NLRC5: variants seen among roughly 807,000 people sequenced by gnomAD.
NLRC5 encodes the protein NLR family CARD domain containing 5.
In NLRC5, 114 loss-of-function variants were observed where a neutral mutation model predicts 206.9. That is an observed-to-expected ratio of 0.55 (90% CI 0.47 to 0.64). NLRC5 has a LOEUF of 0.64. NLRC5 is among the 30% of genes least tolerant of loss of function. The probability of loss-of-function intolerance (pLI) is 0.00; values close to 1 mark genes in which losing one functional copy is unlikely to be tolerated. For synonymous variants in NLRC5, 952 were observed against 962.8 expected, an observed-to-expected ratio of 0.99 and a Z score of 0.21; for missense variants, 2,008 against 2,305.5, an observed-to-expected ratio of 0.87 and a Z score of 2.64.
intron 21 of NLRC5, 70 bp downstream of exon 21, chr16:57,045,562 AC>A (rs1288957086): frequency 3.5e-6 from 5 of 1,408,604 alleles, no homozygotes; most frequent in Non-Finnish European, 4.9e-6. Context: ...AGGTCCCCCC[AC>A]CCCCAGACCC....
intron 1 of NLRC5, among the ~76,000 whole-genome samples, chr16:57,006,810 C>A (rs1490406012): frequency 6.6e-6 from 1 of 151,628 alleles, no homozygotes; most frequent in Non-Finnish European, 1.5e-5. Context: ...TGTTACATGT[C>A]CACGGATGAA....
rs760742446 is a variant in NLRC5 at position 57,042,016 on chromosome 16, G to A, written c.3064G>A (p.Ala1022Thr). Residue 1022 changes from alanine (A) to threonine (T), a missense_variant, in exon 19 of 49, where the codon GCC (alanine) becomes ACC (threonine). By Grantham distance (58) the Ala-to-Thr change is moderately conservative. Coordinates refer to ENST00000688547, the MANE Select transcript of NLRC5 (RefSeq NM_001384950.1). ...SGNALGDEGA[A>T]RLAQLLPGLG... ...CAATGCTCTGGGGGATGAAGGTGCA[G>A]CCCGGCTGGCTCAGCTGCTCCCAGG... The A allele has an allele frequency of 6.3e-7, 1 of 1,576,732 alleles. No individual in the cohort carries two copies. Among genetic ancestry groups the A allele is most frequent in the South Asian group, 1.2e-5 (1 of 86,116 alleles).
At chr16:57,048,280 G>A (rs570015038) in intron 23 of NLRC5, 4 of 152,582 alleles carry the variant, frequency 2.6e-5, no homozygotes, top group Middle Eastern at 3.4e-3. Context: ...GTGTCCACAG[G>A]ACTGTCTACT....
At chr16:57,059,612 T>C in intron 30 of NLRC5, 80 bp downstream of exon 30, 1 of 1,325,854 alleles carries the variant, frequency 7.5e-7, no homozygotes, top group South Asian at 1.5e-5. Context: ...TGGCCCCCTC[T>C]TCCCTGGGCC....
At chr16:57,079,757 T>C in intron 46 of NLRC5, 128 bp downstream of exon 46, 2 of 675,406 alleles carry the variant, frequency 3.0e-6, no homozygotes, top group Non-Finnish European at 5.2e-6. Context: ...CTCCCATTTG[T>C]AAATGGGGAA....
chr16:57,043,531 T>C lies in NLRC5; in HGVS notation c.3130T>C (p.Leu1044=). 1 of 1,613,950 alleles carries C rather than the reference T, an allele frequency of 6.2e-7. No individual in the cohort carries two copies. Reference sequence around the variant, plus strand: ...GATCTCCAGCCTCAGTGAGAACGGTTTGTCCCTGGATGCCGTGTTGGGTTT... The same window carrying C: ...GATCTCCAGCCTCAGTGAGAACGGTCTGTCCCTGGATGCCGTGTTGGGTTT... The part of the protein sequence containing the change: ...LQSLNLSENG[L]SLDAVLGLVR... Residue 1044 remains leucine (L), a synonymous_variant, in exon 20 of 49, where the codon TTG becomes CTG. Transcript: ENST00000688547.
intron 16 of NLRC5, among the ~76,000 whole-genome samples, chr16:57,040,060 G>C (rs1213709409): frequency 1.3e-5 from 2 of 152,230 alleles, no homozygotes; most frequent in East Asian, 1.9e-4. Flanking sequence ...TGCCTGAAAG[G>C]AGCCCCAGTG....
At chr16:57,007,844 G>A (rs1485678183) in intron 1 of NLRC5, among the ~76,000 whole-genome samples, 3 of 152,052 alleles carry the variant, frequency 2.0e-5, no homozygotes, top group Non-Finnish European at 4.4e-5. Context: ...AGTAACTCTC[G>A]ATTTATTAAA....
At chr16:57,041,926 C>T in intron 18 of NLRC5, 56 bp from the exon 19 acceptor site, 1 of 1,225,264 alleles carries the variant, frequency 8.2e-7, no homozygotes, top group Non-Finnish European at 1.1e-6. Context: ...GACCATGCTG[C>T]CAGCAACCCA....
At position 57,046,543 on chromosome 16, in the gene NLRC5, C is replaced by A; in HGVS notation, c.3249-9C>A. 6.2e-7 allele frequency: 1 copy of A among 1,612,352 alleles called. No individual in the cohort carries two copies. The highest frequency in any genetic ancestry group is 8.5e-7 in the Non-Finnish European group (1 of 1,178,616). ...CTGAACTTTCCTTTCTAAATGATCC[C>A]CCTCCTAGGGATATGTGGGCCACTG... On this transcript the variant is annotated splice_polypyrimidine_tract_variant and intron_variant, in intron 21 of 48. Transcript: ENST00000688547.
Position 57,051,610 on chromosome 16 carries a change from G to A in NLRC5, c.3495G>A (p.Leu1165=), listed in dbSNP as rs764467616. 25 of 1,613,682 alleles carry A rather than the reference G, an allele frequency of 1.5e-5. No homozygotes were observed. The highest frequency in any genetic ancestry group is 1.9e-5 in the Non-Finnish European group (23 of 1,179,580). Residue 1165 remains leucine, a synonymous_variant, in exon 24 of 49, where the codon CTG becomes CTA. Transcript: ENST00000688547. ...ACTGCTTACCTCAACTCCCTCAGCT[G>A]AGCCTGCTGCAGTAAGACGAGAGTT... The part of the protein sequence containing the change: ...LLDCLPQLPQ[L]SLLQLSQTGL...
chr16:57,077,114 A>C (rs1488339859), intron 40 of NLRC5, among the ~76,000 whole-genome samples, 182 bp from the exon 41 acceptor site: 2 of 152,236 alleles, frequency 1.3e-5, no homozygotes, highest in Non-Finnish European at 1.5e-5. Context: ...TAGGTCAGAC[A>C]ATGGGGAGAA....
intron 38 of NLRC5, among the ~76,000 whole-genome samples, chr16:57,071,079 GAGTGAGTGGTGTT>G (rs2067666939): frequency 7.5e-6 from 1 of 132,686 alleles, no homozygotes; most frequent in Non-Finnish European, 1.6e-5. Flanking sequence ...GAAGAGTTGT[GAGTGAGTGGTGTT>G]GGTGGTTAAT....
At position 57,029,760 on chromosome 16, in the gene NLRC5, G is replaced by A; in HGVS notation, c.2244-13G>A. On this transcript the variant is annotated splice_polypyrimidine_tract_variant and intron_variant, in intron 8 of 48. Coordinates refer to ENST00000688547, the MANE Select transcript of NLRC5 (RefSeq NM_001384950.1). ...CCCCAGGGCAAAGGGACTGGGCCTT[G>A]GTCTCCTCGCAGTTTTCGGGACAAC... 1 of 1,613,436 alleles carries A rather than the reference G, an allele frequency of 6.2e-7. No homozygotes were observed. The highest frequency in any genetic ancestry group is 8.5e-7 in the Non-Finnish European group (1 of 1,179,498).
chr16:57,062,052 T>G, intron 32 of NLRC5: 2 of 1,334,306 alleles, frequency 1.5e-6, no homozygotes, highest in African/African-American at 1.5e-5. Flanking sequence ...AAAAAGAAGA[T>G]ACCGAAGTAG....
intron 13 of NLRC5, 117 bp from the exon 14 acceptor site, chr16:57,035,983 T>C (rs1290668061): frequency 1.1e-6 from 1 of 925,998 alleles, no homozygotes; most frequent in Admixed American, 1.9e-5. Flanking sequence ...TCAGTTATTA[T>C]CAAGGTTCAT....
chr16:57,067,436 C>G lies in NLRC5; in HGVS notation c.4372C>G (p.Leu1458Val). The G allele has an allele frequency of 6.2e-7, 1 of 1,614,236 alleles. No individual in the cohort carries two copies. The highest frequency in any genetic ancestry group is 8.5e-7 in the Non-Finnish European group (1 of 1,180,040). Reference sequence around the variant, plus strand: ...CCACCACAGCCTTCTTGTCGGGCAGCTGATGGAGACATGTGCCAGGCTGCA... The same window carrying G: ...CCACCACAGCCTTCTTGTCGGGCAGGTGATGGAGACATGTGCCAGGCTGCA... ...GAHHSLLVGQ[L>V]METCARLQQL... The change falls in exon 35 of 49, where the codon CTG becomes GTG. Residue 1458 changes from leucine to valine, a missense_variant. Leu to Val is a conservative substitution (Grantham distance 32). Transcript: ENST00000688547.
chr16:57,073,205 A>G (rs1179542893), intron 38 of NLRC5, among the ~76,000 whole-genome samples: 1 of 152,168 alleles, frequency 6.6e-6, no homozygotes, highest in South Asian at 2.1e-4. Context: ...CCCAGGCACC[A>G]TGTGCTGCTC....
intron 26 of NLRC5, 59 bp from the exon 27 acceptor site, chr16:57,055,374 G>A: frequency 1.3e-6 from 2 of 1,522,346 alleles, no homozygotes; most frequent in South Asian, 2.3e-5. Context: ...AGCCAGGCCG[G>A]AGGGGGTCTC....
Sources: allele counts gnomAD v4.1 joint callset (sites outside exome capture counted in the v4.1 genomes callset), GRCh38; gene constraint gnomAD v4.1.1; transcripts MANE v1.5; gene names NCBI Gene and HGNC (gene_info 2026-07-23, HGNC 2026-07-21).